Variants in CNTN1 observed in about 807,000 individuals in gnomAD.
CNTN1 encodes the protein contactin-1.
In CNTN1, 38 loss-of-function variants were observed where a neutral mutation model predicts 126.4. The ratio of observed to expected loss-of-function variants is 0.30; its 90% confidence interval spans 0.23 to 0.39. The LOEUF (loss-of-function observed/expected upper bound fraction) is 0.39, where lower values mean the gene tolerates loss of function less well. Ranked by LOEUF, CNTN1 falls within the 10% of genes least tolerant of loss-of-function variation. The pLI, the probability that CNTN1 is intolerant of heterozygous loss-of-function variation, is 1.00. For synonymous variants in CNTN1, 413 were observed against 422.6 expected (o/e 0.98, Z 0.28); for missense variants, 1,009 against 1,248.4 (o/e 0.81, Z 2.89).
intron 1 of CNTN1, among the ~76,000 whole-genome samples, chr12:40,715,639 G>T (rs769594851): frequency 1.3e-5 from 2 of 152,076 alleles, no homozygotes; most frequent in Non-Finnish European, 2.9e-5. Flanking sequence ...TTACAATCAA[G>T]CCTTTGGGAG....
chr12:40,984,281 T>A (rs1947898411), intron 16 of CNTN1, among the ~76,000 whole-genome samples: 1 of 152,138 alleles, frequency 6.6e-6, no homozygotes, highest in Non-Finnish European at 1.5e-5. Context: ...CCTCCTCACT[T>A]GTTCATGTTG....
chr12:40,980,821 T>C, intron 15 of CNTN1, 88 bp from the exon 16 acceptor site: 1 of 1,218,558 alleles, frequency 8.2e-7, no homozygotes, highest in Non-Finnish European at 1.2e-6. Flanking sequence ...TTCTTTAGAT[T>C]AATGGTTAGA....
At position 40,907,353 on chromosome 12, in the gene CNTN1, A is replaced by G. The variant is rs566379968; in HGVS notation, c.-76-1004A>G. 2.6e-5 allele frequency among the ~76,000 whole-genome samples: 4 copies of G among 152,330 alleles called. No individual in the cohort carries two copies. In the East Asian group the frequency reaches 7.7e-4, roughly 29 times the overall value. On this transcript the variant is annotated intron_variant, in intron 1 of 23. Coordinates refer to ENST00000551295, the MANE Select transcript of CNTN1 (RefSeq NM_001843.4). Reference sequence around the variant, plus strand: ...TATGTCATTGCACTGGCTTGTTCACATATCTGTGTACTCTTTTTCTGTGAA... The same window carrying G: ...TATGTCATTGCACTGGCTTGTTCACGTATCTGTGTACTCTTTTTCTGTGAA...
chr12:40,985,709 A>T (rs1832100342), intron 16 of CNTN1, among the ~76,000 whole-genome samples: 1 of 152,152 alleles, frequency 6.6e-6, no homozygotes, highest in African/African-American at 2.4e-5. Context: ...TTGTATTCTT[A>T]GGTTGATATT....
chr12:40,948,128 T>C (rs1349752869), intron 14 of CNTN1, among the ~76,000 whole-genome samples: 1 of 151,988 alleles, frequency 6.6e-6, no homozygotes, highest in Non-Finnish European at 1.5e-5. Context: ...ATATAGAGAC[T>C]TGGCACAGCA....
intron 10 of CNTN1, 37 bp from the exon 11 acceptor site, chr12:40,937,533 G>T (rs1267641199): frequency 3.0e-6 from 4 of 1,312,484 alleles, no homozygotes; most frequent in Non-Finnish European, 4.4e-6. Flanking sequence ...TTCTATTAAA[G>T]TTCATTGAGA....
At chr12:40,799,061 T>G (rs936482161) in intron 1 of CNTN1, among the ~76,000 whole-genome samples, 7 of 151,908 alleles carry the variant, frequency 4.6e-5, no homozygotes, top group African/African-American at 1.7e-4. Context: ...GGATCATTAC[T>G]GAAGGAAAAC....
Position 41,025,444 on chromosome 12 carries a change from T to G in CNTN1, c.2710+108T>G, listed in dbSNP as rs2120823516. The G allele has an allele frequency of 3.8e-6, 4 of 1,045,786 alleles. No individual in the cohort carries two copies. In the East Asian group the frequency reaches 9.7e-5, roughly 25 times the overall value. 64.8% of individuals were successfully genotyped at this position (1,045,786 alleles called of 1,614,324 possible). A position where few individuals can be genotyped will look rare whatever the true frequency, so the allele number is the denominator to read the frequency against. ...CCTACCTAGCTACCTGAGCACATTT[T>G]TCAATATCCTTTACAGCCACACAAG... On this transcript the variant is annotated intron_variant, in intron 21 of 23. Coordinates refer to ENST00000551295, the MANE Select transcript of CNTN1 (RefSeq NM_001843.4).
chr12:40,809,576 G>A (rs899175229), intron 1 of CNTN1, among the ~76,000 whole-genome samples: 1 of 152,172 alleles, frequency 6.6e-6, no homozygotes, highest in African/African-American at 2.4e-5. Context: ...TGTAAGCCCA[G>A]CACTTTGGGA....
At chr12:40,780,707 C>T (rs1014983511) in intron 1 of CNTN1, among the ~76,000 whole-genome samples, 4 of 147,440 alleles carry the variant, frequency 2.7e-5, no homozygotes, top group Non-Finnish European at 6.0e-5. Context: ...AAAAAAACAC[C>T]AATCCTCATT....
chr12:40,796,089 G>A (rs1265222152), intron 1 of CNTN1, among the ~76,000 whole-genome samples: 3 of 151,926 alleles, frequency 2.0e-5, no homozygotes, highest in Non-Finnish European at 4.4e-5. Flanking sequence ...GATGACCAGT[G>A]AACAATGTAA....
chr12:41,003,260 T>C (rs1948410112), intron 17 of CNTN1, among the ~76,000 whole-genome samples: 1 of 152,232 alleles, frequency 6.6e-6, no homozygotes, highest in African/African-American at 2.4e-5. Context: ...GATTTGCATA[T>C]GTTAAACAAG....
chr12:40,971,432 A>G (rs1947507343), intron 15 of CNTN1: 1 of 1,594,454 alleles, frequency 6.3e-7, no homozygotes, highest in South Asian at 1.1e-5. Context: ...TTCCTCTTGC[A>G]GGTAAAAACA....
rs55818654 is a variant in CNTN1, at chr12:40,865,748, G to C, written c.-76-42609G>C. The stretch of plus-strand genomic sequence containing the variant: ...TACTTTGTAGTGAATTTGAAATTTA[G>C]AACTGTGAATTCTCCACTTTGTGCT... On this transcript the variant is annotated intron_variant, in intron 1 of 23. Transcript: ENST00000551295. Among the ~76,000 whole-genome samples the C allele has an allele frequency of 9.6e-3, 1,465 of 152,016 alleles. 14 individuals carry two copies. The highest frequency in any genetic ancestry group is 0.017 in the Middle Eastern group (5 of 294).
chr12:40,788,570 C>T (rs985201483), intron 1 of CNTN1, among the ~76,000 whole-genome samples: 3 of 152,070 alleles, frequency 2.0e-5, no homozygotes, highest in African/African-American at 7.2e-5. Flanking sequence ...GTTCCGGTAG[C>T]ATTAAAATCA....
intron 17 of CNTN1, among the ~76,000 whole-genome samples, chr12:41,008,845 C>A (rs539986977): frequency 6.6e-6 from 1 of 152,146 alleles, no homozygotes; most frequent in Non-Finnish European, 1.5e-5. Flanking sequence ...TCCTTTATAA[C>A]CTTCTTTGCA....
chr12:40,972,201 T>C, intron 15 of CNTN1: 1 of 985,378 alleles, frequency 1.0e-6, no homozygotes, highest in Non-Finnish European at 1.2e-6. Flanking sequence ...TGCATTCATA[T>C]TTAATTTTAT....
intron 6 of CNTN1, among the ~76,000 whole-genome samples, chr12:40,927,887 A>T (rs1042474643): frequency 4.6e-5 from 7 of 152,126 alleles, no homozygotes; most frequent in African/African-American, 1.7e-4. Context: ...ATCAAGTACC[A>T]TCACTTCTTT....
chr12:41,002,306 ATTTG>A (rs149455403), intron 17 of CNTN1, among the ~76,000 whole-genome samples: 15,422 of 151,800 alleles, frequency 0.1, 879 homozygotes, highest in Non-Finnish European at 0.13. Flanking sequence ...ATCATCTCTG[ATTTG>A]TTTGAGCAGT....
Sources: gnomAD v4.1 joint callset for allele counts (sites outside exome capture counted in the v4.1 genomes callset) on GRCh38, gnomAD v4.1.1 for gene constraint, MANE v1.5 for transcripts, NCBI Gene and HGNC (gene_info 2026-07-23, HGNC 2026-07-21) for gene names.